Variants in CLEC2A observed in about 807,000 individuals in gnomAD.
CLEC2A encodes the protein keratinocyte-associated C-type lectin.
In CLEC2A, 19 loss-of-function variants were observed where a neutral mutation model predicts 18.6. The observed-to-expected ratio is 1.02, with a 90% CI of 0.71 to 1.50. The LOEUF (loss-of-function observed/expected upper bound fraction) is 1.50. Ranked by LOEUF, CLEC2A falls within the 40% of genes most tolerant of loss-of-function variation. CLEC2A has a pLI of 0.00. For synonymous variants in CLEC2A, 74 were observed against 64.0 expected (o/e 1.16, Z -0.75); for missense variants, 190 against 207.9 (o/e 0.91, Z 0.53).
At chr12:9,922,931 T>G (rs1462801765) in intron 2 of CLEC2A, among the ~76,000 whole-genome samples, 1 of 152,166 alleles carries the variant, frequency 6.6e-6, no homozygotes, top group African/African-American at 2.4e-5. Context: ...TTATTATTAT[T>G]ATTATTATTT....
the CLEC2A span, among the ~76,000 whole-genome samples, chr12:9,883,698 AAAAG>A: frequency 2.0e-5 from 3 of 152,232 alleles, no homozygotes; most frequent in Non-Finnish European, 4.4e-5. Context: ...ACAGGGAAGA[AAAAG>A]AAAGAAAATT....
chr12:9,927,302 A>T (rs1293459200), intron 1 of CLEC2A, among the ~76,000 whole-genome samples: 1 of 152,234 alleles, frequency 6.6e-6, no homozygotes, highest in East Asian at 1.9e-4. Flanking sequence ...GAAAAGGTAC[A>T]GTGAAAATAC....
chr12:9,928,421 T>C (rs904727705), intron 1 of CLEC2A, among the ~76,000 whole-genome samples: 1 of 151,946 alleles, frequency 6.6e-6, no homozygotes, highest in African/African-American at 2.4e-5. Context: ...ATCAGAATTA[T>C]GCCACTGCAC....
At chr12:9,882,762 C>G in the CLEC2A span, among the ~76,000 whole-genome samples, 1 of 149,796 alleles carries the variant, frequency 6.7e-6, no homozygotes, top group South Asian at 2.2e-4. Flanking sequence ...GCCTGAGTGA[C>G]AGAGCAAGAC....
chr12:9,893,466 G>T, the CLEC2A span: 4 of 1,513,936 alleles, frequency 2.6e-6, no homozygotes, highest in Non-Finnish European at 2.7e-6. Context: ...GGACATTTTG[G>T]TTGGATTGGA....
intron 4 of CLEC2A, among the ~76,000 whole-genome samples, chr12:9,906,138 C>T (rs1862905791): frequency 6.6e-6 from 1 of 151,886 alleles, no homozygotes; most frequent in African/African-American, 2.4e-5. Flanking sequence ...CCCCAGTGGG[C>T]CCCTTGATGC....
intron 4 of CLEC2A, among the ~76,000 whole-genome samples, chr12:9,902,899 T>C (rs486729): frequency 0.99 from 150,124 of 151,848 alleles, 74,221 homozygotes; most frequent in East Asian, 1. Flanking sequence ...ACACTTAAAC[T>C]TTCTATATAA....
At chr12:9,916,506 C>G (rs1272098599) in intron 4 of CLEC2A, among the ~76,000 whole-genome samples, 194 bp downstream of exon 4, 1 of 152,032 alleles carries the variant, frequency 6.6e-6, no homozygotes, top group African/African-American at 2.4e-5. Flanking sequence ...TGTCATTTAA[C>G]AAGGTGAGAA....
At chr12:9,919,602 G>A (rs935843802) in intron 3 of CLEC2A, among the ~76,000 whole-genome samples, 4 of 152,218 alleles carry the variant, frequency 2.6e-5, no homozygotes, top group East Asian at 1.9e-4. Context: ...TAGCGCTTGC[G>A]AGGGGGGCTG....
chr12:9,883,648 T>C, the CLEC2A span, among the ~76,000 whole-genome samples: 1 of 152,190 alleles, frequency 6.6e-6, no homozygotes, highest in Non-Finnish European at 1.5e-5. Context: ...TTCAATTAAG[T>C]AGAAGTCTTT....
At chr12:9,903,019 C>T (rs1193886233) in intron 4 of CLEC2A, among the ~76,000 whole-genome samples, 1 of 152,130 alleles carries the variant, frequency 6.6e-6, no homozygotes, top group Non-Finnish European at 1.5e-5. Flanking sequence ...GAGGCTGAGA[C>T]ATGTCTGGGT....
intron 4 of CLEC2A, among the ~76,000 whole-genome samples, chr12:9,916,463 C>G (rs1863072462): frequency 1.3e-5 from 2 of 151,772 alleles, no homozygotes; most frequent in South Asian, 4.1e-4. Flanking sequence ...GATAAAATAA[C>G]AAATAAAAAT....
At chr12:9,905,145 T>C (rs922822406) in intron 4 of CLEC2A, among the ~76,000 whole-genome samples, 16 of 152,214 alleles carry the variant, frequency 1.1e-4, no homozygotes, top group African/African-American at 3.9e-4. Flanking sequence ...AAGCCCTTTT[T>C]AGAGTTAGTT....
At chr12:9,909,333 G>A (rs1407845069), downstream of CLEC2A, among the ~76,000 whole-genome samples, 3 of 152,156 alleles carry the variant, frequency 2.0e-5, no homozygotes, top group African/African-American at 4.8e-5. Flanking sequence ...TCTTGGGCAC[G>A]GAATTCCTCG....
chr12:9,930,771 T>C (rs1259326824), intron 1 of CLEC2A, among the ~76,000 whole-genome samples: 1 of 152,110 alleles, frequency 6.6e-6, no homozygotes, highest in Non-Finnish European at 1.5e-5. Flanking sequence ...TCTTGTTATC[T>C]AGAAGGTGGC....
At chr12:9,900,916 AACAACCAT>A (rs1210932233) in intron 4 of CLEC2A, among the ~76,000 whole-genome samples, 1 of 152,222 alleles carries the variant, frequency 6.6e-6, no homozygotes, top group African/African-American at 2.4e-5. Flanking sequence ...CACTGATGCA[AACAACCAT>A]ATTGCCATAA....
At chr12:9,884,965 TCTG>T in the CLEC2A span, 2 of 1,329,100 alleles carry the variant, frequency 1.5e-6, no homozygotes, top group Non-Finnish European at 1.9e-6. Flanking sequence ...ATTATTGTCT[TCTG>T]CTCATATTTG....
rs914706591 is a variant in CLEC2A, at chr12:9,920,976, A to G, written c.306+1090T>C. On this transcript the variant is annotated intron_variant, in intron 3 of 4. Transcript: ENST00000455827. ...ACATTTAACGAAGACATTTAGATACATAAACAGTATGCATTGTGGTAAAGG... is the reference window on the plus strand; with the variant it reads ...ACATTTAACGAAGACATTTAGATACGTAAACAGTATGCATTGTGGTAAAGG... Among the ~76,000 whole-genome samples the G allele has an allele frequency of 3.5e-4, 54 of 152,362 alleles. 1 individual carries two copies. The highest frequency in any genetic ancestry group is 8.3e-4 in the South Asian group (4 of 4,828).
chr12:9,918,805 T>C (rs1472634066), intron 3 of CLEC2A, among the ~76,000 whole-genome samples: 1 of 152,248 alleles, frequency 6.6e-6, no homozygotes, highest in Non-Finnish European at 1.5e-5. Context: ...GCATTAATTC[T>C]GTCTCATCTC....
Sources: allele counts gnomAD v4.1 joint callset (sites outside exome capture counted in the v4.1 genomes callset), GRCh38; gene constraint gnomAD v4.1.1; transcripts MANE v1.5; gene names NCBI Gene and HGNC (gene_info 2026-07-23, HGNC 2026-07-21).